The following RBMS3 variants were observed in gnomAD, a reference collection of about 807,000 sequenced individuals.
The protein encoded by RBMS3 is RNA binding motif single stranded interacting protein 3.
A neutral mutation model predicts 66.8 loss-of-function variants in RBMS3; 27 were observed. The ratio of observed to expected loss-of-function variants is 0.40; its 90% confidence interval spans 0.30 to 0.56. The LOEUF (loss-of-function observed/expected upper bound fraction) is 0.56, where lower values mean the gene tolerates loss of function less well. RBMS3 is among the 20% of genes least tolerant of loss of function. The probability of loss-of-function intolerance (pLI) is 0.40; values close to 1 mark genes in which losing one functional copy is unlikely to be tolerated. For synonymous variants in RBMS3, 188 were observed against 183.0 expected (o/e 1.03, Z -0.22); for missense variants, 513 against 549.5 (o/e 0.93, Z 0.66).
At chr3:29,441,351 CATT>C (rs1356394552) in intron 2 of RBMS3, among the ~76,000 whole-genome samples, 1 of 152,072 alleles carries the variant, frequency 6.6e-6, no homozygotes, top group Non-Finnish European at 1.5e-5. Context: ...AAATAATTGT[CATT>C]AATAATAGGT....
At chr3:29,543,871 T>C (rs1390378485) in intron 3 of RBMS3, among the ~76,000 whole-genome samples, 2 of 152,162 alleles carry the variant, frequency 1.3e-5, no homozygotes, top group Non-Finnish European at 2.9e-5. Context: ...AGAATAGTTG[T>C]AATATTCTTT....
intron 3 of RBMS3, among the ~76,000 whole-genome samples, chr3:29,580,913 T>G (rs72855102): frequency 1.1e-3 from 168 of 152,314 alleles, no homozygotes; most frequent in African/African-American, 3.8e-3. Context: ...CTCTGTTTGC[T>G]AAGTGTCTGA....
At chr3:29,577,523 G>A (rs530136200) in intron 3 of RBMS3, among the ~76,000 whole-genome samples, 30 of 152,264 alleles carry the variant, frequency 2.0e-4, no homozygotes, top group African/African-American at 7.0e-4. Context: ...GCCTTTCAGA[G>A]TTTACCTAGG....
intron 4 of RBMS3, among the ~76,000 whole-genome samples, chr3:29,625,194 A>T (rs1401804652): frequency 6.6e-6 from 1 of 152,182 alleles, no homozygotes. Context: ...ACCCAGTCTC[A>T]GGTAGTTCTC....
chr3:29,321,821 G>A (rs2035023858), intron 1 of RBMS3, among the ~76,000 whole-genome samples: 1 of 152,100 alleles, frequency 6.6e-6, no homozygotes, highest in African/African-American at 2.4e-5. Flanking sequence ...AACTACTGAA[G>A]TCCTGAGTTA....
chr3:29,825,221 G>A (rs1246452030), intron 6 of RBMS3, among the ~76,000 whole-genome samples: 1 of 151,910 alleles, frequency 6.6e-6, no homozygotes, highest in African/African-American at 2.4e-5. Flanking sequence ...ATTTTTAGTA[G>A]AGACAGGGTT....
chr3:29,914,057 A>T (rs914498391), intron 10 of RBMS3, among the ~76,000 whole-genome samples: 1 of 152,100 alleles, frequency 6.6e-6, no homozygotes, highest in South Asian at 2.1e-4. Context: ...TCCATTATAG[A>T]TATTATTTAA....
At chr3:29,569,682 T>C (rs997426898) in intron 3 of RBMS3, among the ~76,000 whole-genome samples, 2 of 152,134 alleles carry the variant, frequency 1.3e-5, no homozygotes, top group Admixed American at 6.5e-5. Flanking sequence ...TATCTTTGGC[T>C]TGCAATGCAT....
In RBMS3 at chr3:29,948,579, A is replaced by G. The variant is rs2122220; in HGVS notation, c.1098+4325A>G. The stretch of plus-strand genomic sequence containing the variant: ...AATAATTTCCATCTTTTAATTAAAA[A>G]TTAAGTTCATTAGTACCTCCAATTA... On this transcript the variant is annotated intron_variant, in intron 12 of 14. Transcript: ENST00000383767. Among the ~76,000 whole-genome samples, 1,386 of 151,914 alleles carry G rather than the reference A, an allele frequency of 9.1e-3. 78 individuals carry two copies. The East Asian group carries it at 0.17, about 19-fold the overall frequency.
intron 12 of RBMS3, among the ~76,000 whole-genome samples, chr3:29,947,615 A>G (rs1270808481): frequency 6.6e-6 from 1 of 151,422 alleles, no homozygotes; most frequent in Non-Finnish European, 1.5e-5. Flanking sequence ...ACTGCCCTCT[A>G]CATTTTCACA....
At chr3:29,297,482 C>T (rs1312837069) in intron 1 of RBMS3, among the ~76,000 whole-genome samples, 1 of 151,844 alleles carries the variant, frequency 6.6e-6, no homozygotes, top group African/African-American at 2.4e-5. Flanking sequence ...CATTTCTTTG[C>T]ACTTCCATTA....
intron 4 of RBMS3, among the ~76,000 whole-genome samples, chr3:29,656,327 T>C (rs1028338113): frequency 6.6e-6 from 1 of 152,198 alleles, no homozygotes; most frequent in African/African-American, 2.4e-5. Flanking sequence ...TTTTAATGTA[T>C]AGATATGTTT....
At chr3:29,979,636 C>A (rs1352252167) in intron 12 of RBMS3, among the ~76,000 whole-genome samples, 1 of 152,072 alleles carries the variant, frequency 6.6e-6, no homozygotes, top group African/African-American at 2.4e-5. Flanking sequence ...CCTCCCTGGG[C>A]TCATGTGTTC....
intron 4 of RBMS3, among the ~76,000 whole-genome samples, chr3:29,690,144 G>C (rs1219851535): frequency 6.6e-6 from 1 of 151,706 alleles, no homozygotes; most frequent in Admixed American, 6.6e-5. Context: ...AGAGATTTTT[G>C]AGAGAAAGTA....
intron 2 of RBMS3, among the ~76,000 whole-genome samples, chr3:29,474,975 A>T (rs536434583): frequency 6.6e-6 from 1 of 152,208 alleles, no homozygotes; most frequent in Admixed American, 6.5e-5. Context: ...GGAAAAACTG[A>T]TATAGTATAA....
intron 6 of RBMS3, among the ~76,000 whole-genome samples, chr3:29,789,984 T>C (rs2056947350): frequency 6.6e-6 from 1 of 152,194 alleles, no homozygotes; most frequent in South Asian, 2.1e-4. Flanking sequence ...CTATCAATTT[T>C]CTATCTCTCA....
At chr3:29,653,411 A>C (rs138167440) in intron 4 of RBMS3, among the ~76,000 whole-genome samples, 2 of 152,164 alleles carry the variant, frequency 1.3e-5, no homozygotes, top group African/African-American at 4.8e-5. Context: ...ATCACTGAAG[A>C]TGCATAACGC....
intron 4 of RBMS3, among the ~76,000 whole-genome samples, chr3:29,675,038 ACTGGTACCAAAACAGCATGGTT>A: frequency 4.6e-5 from 7 of 152,320 alleles, no homozygotes; most frequent in Non-Finnish European, 7.4e-5. Context: ...ACAGCATGGT[ACTGGTACCAAAACAGCATGGTT>A]CTGGTACCAA....
intron 1 of RBMS3, among the ~76,000 whole-genome samples, chr3:29,298,459 T>C (rs17023213): frequency 0.021 from 3,191 of 152,074 alleles, 129 homozygotes; most frequent in African/African-American, 0.073. Context: ...ATAAAACCTC[T>C]TTGATACTTA....
Sources: allele counts gnomAD v4.1 joint callset (sites outside exome capture counted in the v4.1 genomes callset), GRCh38; gene constraint gnomAD v4.1.1; transcripts MANE v1.5; gene names NCBI Gene and HGNC (gene_info 2026-07-23, HGNC 2026-07-21).